INPP4B: variants seen among roughly 807,000 people sequenced by gnomAD.
The protein encoded by INPP4B is inositol polyphosphate 4-phosphatase type II.
A neutral mutation model predicts 122.5 loss-of-function variants in INPP4B; 55 were observed. The observed-to-expected ratio is 0.45, with a 90% CI of 0.36 to 0.56. The LOEUF (loss-of-function observed/expected upper bound fraction) is 0.56, where lower values mean the gene tolerates loss of function less well. Among genes scored for constraint, INPP4B ranks in the 20% least tolerant of loss-of-function variants. INPP4B has a pLI of 0.00. For missense variants in INPP4B, 1,000 were observed against 1,097.7 expected (o/e 0.91, Z 1.26); for synonymous variants, 403 against 388.7 (o/e 1.04, Z -0.43).
intron 23 of INPP4B, among the ~76,000 whole-genome samples, chr4:142,104,208 G>A (rs750727599): frequency 6.6e-6 from 1 of 152,160 alleles, no homozygotes; most frequent in Non-Finnish European, 1.5e-5. Context: ...AAGGGAAGAG[G>A]AAGACAGAAG....
intron 7 of INPP4B, among the ~76,000 whole-genome samples, chr4:142,328,475 C>A (rs550178727): frequency 6.6e-6 from 1 of 152,088 alleles, no homozygotes; most frequent in Non-Finnish European, 1.5e-5. Flanking sequence ...TGCTCTAATT[C>A]CTTCACCAGT....
intron 7 of INPP4B, among the ~76,000 whole-genome samples, chr4:142,320,699 T>G (rs1003672250): frequency 6.6e-6 from 1 of 152,198 alleles, no homozygotes; most frequent in Non-Finnish European, 1.5e-5. Flanking sequence ...TCTTATGATT[T>G]TGTGTCCTCA....
intron 2 of INPP4B, among the ~76,000 whole-genome samples, chr4:142,587,697 C>T (rs1317014300): frequency 6.6e-6 from 1 of 152,030 alleles, no homozygotes. Flanking sequence ...CTATTATACT[C>T]TTTTAGTTAT....
intron 23 of INPP4B, among the ~76,000 whole-genome samples, chr4:142,107,218 A>ATTAGGTTATGAAGACATAAACACTC (rs1405281808): frequency 6.6e-5 from 10 of 152,160 alleles, no homozygotes; most frequent in Non-Finnish European, 1.2e-4. Flanking sequence ...TACCACATTC[A>ATTAGGTTATGAAGACATAAACACTC]TTAGGTTATG....
chr4:142,329,518 T>C (rs920841358), intron 7 of INPP4B, among the ~76,000 whole-genome samples: 8 of 152,252 alleles, frequency 5.3e-5, no homozygotes, highest in African/African-American at 1.9e-4. Flanking sequence ...TTAAAAATAT[T>C]ACTCTGATGT....
chr4:142,755,845 G>T (rs1770428854), intron 1 of INPP4B, among the ~76,000 whole-genome samples: 2 of 151,880 alleles, frequency 1.3e-5, no homozygotes, highest in Admixed American at 1.3e-4. Context: ...AAACGTTTTT[G>T]AGCTTTAGTA....
chr4:142,136,376 TAA>T (rs1341586728), intron 18 of INPP4B, among the ~76,000 whole-genome samples: 2 of 152,322 alleles, frequency 1.3e-5, no homozygotes, highest in South Asian at 2.1e-4. Flanking sequence ...AATGCAAAGA[TAA>T]AGTTATTTGG....
chr4:142,588,027 T>G lies in INPP4B; in HGVS notation c.-190-125301A>C, dbSNP rs115229446. On this transcript the variant is annotated intron_variant, in intron 2 of 25. Coordinates refer to ENST00000262992, the MANE Select transcript of INPP4B (RefSeq NM_001101669.3). Reference sequence around the variant, plus strand: ...GTCTGGGTCAACATATGAAAATAAATGTAATTCACTACCTGAACAGGCAAA... The same window carrying G: ...GTCTGGGTCAACATATGAAAATAAAGGTAATTCACTACCTGAACAGGCAAA... Among the ~76,000 whole-genome samples, 797 of 152,020 alleles carry G rather than the reference T, an allele frequency of 5.2e-3. 6 individuals are homozygous for G. Among genetic ancestry groups the G allele is most frequent in the African/African-American group, 0.017 (724 of 41,560 alleles).
intron 17 of INPP4B, among the ~76,000 whole-genome samples, chr4:142,158,154 A>G (rs1818196599): frequency 6.6e-6 from 1 of 152,080 alleles, no homozygotes; most frequent in South Asian, 2.1e-4. Flanking sequence ...GCACAAACAC[A>G]CACACTAACT....
chr4:142,036,625 A>G (rs980250414), intron 25 of INPP4B, among the ~76,000 whole-genome samples: 3 of 152,218 alleles, frequency 2.0e-5, no homozygotes, highest in Non-Finnish European at 4.4e-5. Flanking sequence ...TGCATGTTGT[A>G]TATGTCCTCC....
At chr4:142,572,700 C>T (rs1733085920) in intron 2 of INPP4B, among the ~76,000 whole-genome samples, 1 of 151,868 alleles carries the variant, frequency 6.6e-6, no homozygotes, top group South Asian at 2.1e-4. Context: ...GTCTTATTAA[C>T]TCTTTGATTA....
At chr4:142,582,302 T>A (rs1403709102) in intron 2 of INPP4B, among the ~76,000 whole-genome samples, 1 of 152,106 alleles carries the variant, frequency 6.6e-6, no homozygotes, top group Non-Finnish European at 1.5e-5. Flanking sequence ...GGAATTTGTA[T>A]CCTACATTTA....
At chr4:142,701,597 A>T (rs1448083592) in intron 2 of INPP4B, among the ~76,000 whole-genome samples, 1 of 152,124 alleles carries the variant, frequency 6.6e-6, no homozygotes, top group Admixed American at 6.5e-5. Context: ...ACATATTAAT[A>T]TATATGAAAT....
intron 7 of INPP4B, among the ~76,000 whole-genome samples, chr4:142,379,387 C>G (rs1322166814): frequency 1.3e-5 from 2 of 152,154 alleles, no homozygotes; most frequent in African/African-American, 4.8e-5. Flanking sequence ...AGGAATCAGG[C>G]TCATGGCAAT....
At chr4:142,523,930 A>C (rs1234522145) in intron 2 of INPP4B, among the ~76,000 whole-genome samples, 1 of 146,230 alleles carries the variant, frequency 6.8e-6, no homozygotes, top group Non-Finnish European at 1.5e-5. Context: ...TTCTTGCGAT[A>C]GTTTACTGAG....
At chr4:142,095,635 A>G (rs551769772) in intron 23 of INPP4B, among the ~76,000 whole-genome samples, 8 of 152,312 alleles carry the variant, frequency 5.3e-5, no homozygotes, top group African/African-American at 1.7e-4. Context: ...TCCAGAAAGA[A>G]AAAAGTATGC....
At chr4:142,314,182 T>A (rs1480557754) in intron 8 of INPP4B, among the ~76,000 whole-genome samples, 8 of 152,202 alleles carry the variant, frequency 5.3e-5, no homozygotes, top group African/African-American at 1.9e-4. Flanking sequence ...AAGCACCCAG[T>A]ACCTTCTTGT....
At position 142,404,681 on chromosome 4, in the gene INPP4B, C is replaced by T. The variant is rs182719881; in HGVS notation, c.255+525G>A. On this transcript the variant is annotated intron_variant, in intron 6 of 25. Transcript: ENST00000262992. ...TCATCTACTTTTCCCTGAAAAACAT[C>T]GTAAGTTGAAAGACAGACAAACAAC... Among the ~76,000 whole-genome samples, 273 of 152,150 alleles carry T rather than the reference C, an allele frequency of 1.8e-3. 1 individual carries two copies. Among genetic ancestry groups the T allele is most frequent in the Non-Finnish European group, 2.9e-3 (198 of 67,994 alleles).
chr4:142,591,992 T>C (rs1580448371), intron 2 of INPP4B, among the ~76,000 whole-genome samples: 1 of 152,280 alleles, frequency 6.6e-6, no homozygotes. Context: ...CTGAATGAAG[T>C]ATGAGCTGTA....
Sources: gnomAD v4.1 joint callset for allele counts (sites outside exome capture counted in the v4.1 genomes callset) on GRCh38, gnomAD v4.1.1 for gene constraint, MANE v1.5 for transcripts, NCBI Gene and HGNC (gene_info 2026-07-23, HGNC 2026-07-21) for gene names.